The following VDAC1 variants were observed in gnomAD, a reference collection of about 807,000 sequenced individuals.
The protein encoded by VDAC1 is voltage dependent anion channel 1, also known as non-selective voltage-gated ion channel VDAC1.
Under a neutral mutation model 34.7 loss-of-function variants are expected in VDAC1, and 10 were observed. That is an observed-to-expected ratio of 0.29 (90% CI 0.18 to 0.49). VDAC1 has a LOEUF of 0.49. Among genes scored for constraint, VDAC1 ranks in the 20% least tolerant of loss-of-function variants. VDAC1 has a pLI of 0.99. For synonymous variants in VDAC1, 130 were observed against 136.0 expected (o/e 0.96, Z 0.30); for missense variants, 230 against 347.9 (o/e 0.66, Z 2.69).
At chr5:133,984,419 CGTGTGTGT>C (rs70976506) in intron 5 of VDAC1, among the ~76,000 whole-genome samples, 7,947 of 121,862 alleles carry the variant, frequency 0.065, 669 homozygotes, top group African/African-American at 0.2. Flanking sequence ...CAATGACCAG[CGTGTGTGT>C]GTGTGTGTGT....
the VDAC1 span, among the ~76,000 whole-genome samples, chr5:134,109,382 C>A: frequency 3.3e-5 from 5 of 152,156 alleles, no homozygotes; most frequent in African/African-American, 9.7e-5. Context: ...GAACACCAGG[C>A]CTTGGTGTGC....
the VDAC1 span, among the ~76,000 whole-genome samples, chr5:134,110,626 C>G: frequency 6.6e-6 from 1 of 152,268 alleles, no homozygotes; most frequent in African/African-American, 2.4e-5. Flanking sequence ...AGTGCTCCTG[C>G]CGAGAGCCAG....
chr5:133,992,519 G>A (rs569757154), intron 2 of VDAC1, among the ~76,000 whole-genome samples, 164 bp from the exon 3 acceptor site: 1 of 152,350 alleles, frequency 6.6e-6, no homozygotes, highest in Non-Finnish European at 1.5e-5. Flanking sequence ...GGAGCTCTCA[G>A]CTGCCATGGA....
chr5:134,011,381 C>G, the VDAC1 span, among the ~76,000 whole-genome samples: 5 of 152,232 alleles, frequency 3.3e-5, no homozygotes, highest in South Asian at 2.1e-4. Flanking sequence ...AGATATTATA[C>G]CTTTTGTCAG....
At chr5:134,094,566 G>A in the VDAC1 span, among the ~76,000 whole-genome samples, 9 of 152,062 alleles carry the variant, frequency 5.9e-5, no homozygotes, top group African/African-American at 1.2e-4. Context: ...GCGTGGCGGC[G>A]GACGCCTGTA....
At chr5:134,089,369 CT>C in the VDAC1 span, among the ~76,000 whole-genome samples, 1 of 152,348 alleles carries the variant, frequency 6.6e-6, no homozygotes, top group East Asian at 1.9e-4. Flanking sequence ...CAGGTGGCTT[CT>C]TAGGACCATA....
chr5:134,091,388 A>G, the VDAC1 span, among the ~76,000 whole-genome samples: 1 of 152,130 alleles, frequency 6.6e-6, no homozygotes, highest in African/African-American at 2.4e-5. Context: ...ACACCACAGA[A>G]TCATCATGCG....
intron 6 of VDAC1, 88 bp downstream of exon 6, chr5:133,980,634 TAAAAAAA>T: frequency 3.4e-6 from 2 of 585,742 alleles, no homozygotes; most frequent in Non-Finnish European, 5.0e-6. Flanking sequence ...TGGGCTTTCT[TAAAAAAA>T]AAAAAAAAAA....
the VDAC1 span, among the ~76,000 whole-genome samples, chr5:134,063,370 T>C: frequency 2.0e-5 from 3 of 152,224 alleles, no homozygotes; most frequent in Non-Finnish European, 4.4e-5. Context: ...TTGATTGTTA[T>C]AGTAACAGCC....
chr5:134,080,056 C>T, the VDAC1 span, among the ~76,000 whole-genome samples: 1 of 152,086 alleles, frequency 6.6e-6, no homozygotes, highest in African/African-American at 2.4e-5. Flanking sequence ...ACGTGAGGCC[C>T]GGCCAGTGGG....
chr5:134,089,567 G>A, the VDAC1 span, among the ~76,000 whole-genome samples: 1 of 152,176 alleles, frequency 6.6e-6, no homozygotes, highest in African/African-American at 2.4e-5. Context: ...GAGGAGAGGT[G>A]GGGGGAGCCA....
chr5:133,996,021 G>A (rs1026866567), intron 1 of VDAC1, among the ~76,000 whole-genome samples: 2 of 152,132 alleles, frequency 1.3e-5, no homozygotes, highest in African/African-American at 4.8e-5. Context: ...CACCCCCCAG[G>A]GGCCTTCACA....
At chr5:134,086,959 A>G in the VDAC1 span, among the ~76,000 whole-genome samples, 1 of 152,062 alleles carries the variant, frequency 6.6e-6, no homozygotes, top group East Asian at 1.9e-4. Context: ...TCAACATCAA[A>G]CCTGAAGGTT....
At chr5:134,042,254 G>C in the VDAC1 span, among the ~76,000 whole-genome samples, 5 of 152,134 alleles carry the variant, frequency 3.3e-5, no homozygotes, top group East Asian at 1.9e-4. Flanking sequence ...GTGGGCTTGG[G>C]GGGGACCAGG....
chr5:134,048,041 T>G, the VDAC1 span, among the ~76,000 whole-genome samples: 1 of 151,358 alleles, frequency 6.6e-6, no homozygotes, highest in African/African-American at 2.4e-5. Context: ...AAAAAGCTAG[T>G]TCTGCAAGCT....
the VDAC1 span, among the ~76,000 whole-genome samples, chr5:134,090,669 C>G: frequency 4.6e-5 from 7 of 152,220 alleles, no homozygotes; most frequent in Admixed American, 1.3e-4. Flanking sequence ...TTGGCCTCCA[C>G]CCCCAGCCCC....
chr5:134,082,062 G>A, the VDAC1 span: 4 of 155,796 alleles, frequency 2.6e-5, no homozygotes, highest in Non-Finnish European at 1.4e-5. Context: ...GGGAGGGTAG[G>A]GAGGGCATGA....
At chr5:133,992,879 C>A in intron 2 of VDAC1, 67 bp downstream of exon 2, 1 of 1,498,084 alleles carries the variant, frequency 6.7e-7, no homozygotes, top group East Asian at 2.3e-5. Flanking sequence ...AAACAGTTAT[C>A]GGTAAAGTCT....
chr5:134,068,196 G>C, the VDAC1 span, among the ~76,000 whole-genome samples: 1 of 151,908 alleles, frequency 6.6e-6, no homozygotes, highest in African/African-American at 2.4e-5. Context: ...TTACCTATCA[G>C]TTTATTTTTT....
Sources: gnomAD v4.1 joint callset for allele counts (sites outside exome capture counted in the v4.1 genomes callset) on GRCh38, gnomAD v4.1.1 for gene constraint, MANE v1.5 for transcripts, NCBI Gene and HGNC (gene_info 2026-07-23, HGNC 2026-07-21) for gene names.